VCAN: variants seen among roughly 807,000 people sequenced by gnomAD.
VCAN encodes the protein versican, also known as versican core protein.
A neutral mutation model predicts 245.5 loss-of-function variants in VCAN; 44 were observed. That is an observed-to-expected ratio of 0.18 (90% CI 0.14 to 0.23). VCAN has a LOEUF of 0.23. Ranked by LOEUF, VCAN falls within the 10% of genes least tolerant of loss-of-function variation. VCAN has a pLI of 1.00. For missense variants in VCAN, 3,793 were observed against 4,057.9 expected, an observed-to-expected ratio of 0.93 and a Z score of 1.77; for synonymous variants, 1,413 against 1,437.0, an observed-to-expected ratio of 0.98 and a Z score of 0.38.
intron 7 of VCAN, among the ~76,000 whole-genome samples, chr5:83,524,168 T>G (rs138661862): frequency 1.3e-5 from 2 of 151,966 alleles, no homozygotes; most frequent in Non-Finnish European, 2.9e-5. Flanking sequence ...GAATTGGCAG[T>G]CATCAAAAAA....
chr5:83,483,592 A>G lies in VCAN; in HGVS notation c.70+4A>G, dbSNP rs778443157. 6.2e-7 allele frequency: 1 copy of G among 1,612,568 alleles called. No individual in the cohort carries two copies. The highest frequency in any genetic ancestry group is 8.5e-7 in the Non-Finnish European group (1 of 1,178,790). On this transcript the variant is annotated splice_donor_region_variant and intron_variant, in intron 2 of 14. Coordinates refer to ENST00000265077, the MANE Select transcript of VCAN (RefSeq NM_004385.5). ...GTAACCCATGCGCTACATAAAGGTG[A>G]GTGTGCTAACAATTTCTTTGGTGTT...
chr5:83,526,217 C>A lies in VCAN; in HGVS notation c.4003+3908C>A, dbSNP rs192970077. The stretch of plus-strand genomic sequence containing the variant: ...CCTCCCAAAGTGTTGGGATTACAGG[C>A]ATGAGCCACTGCGCCCAGCCAAGTC... On this transcript the variant is annotated intron_variant, in intron 7 of 14. Coordinates refer to ENST00000265077, the MANE Select transcript of VCAN (RefSeq NM_004385.5). 7.2e-3 allele frequency among the ~76,000 whole-genome samples: 1,096 copies of A among 152,190 alleles called. 17 individuals carry two copies. The highest frequency in any genetic ancestry group is 0.026 in the African/African-American group (1,060 of 41,510).
chr5:83,494,949 C>T (rs1745110852), intron 5 of VCAN, among the ~76,000 whole-genome samples: 1 of 152,094 alleles, frequency 6.6e-6, no homozygotes, highest in Non-Finnish European at 1.5e-5. Flanking sequence ...CACAGCACTC[C>T]AGCCTAGGTG....
Position 83,548,124 on chromosome 5 carries a change from A to ATT in VCAN, c.9493+48_9493+49dup, listed in dbSNP as rs148814066. ...AACATTTGTATGATGAACATTATTG[A>ATT]TTTTTTTTTAGCAATTTTGGCCTCA... is the stretch of plus-strand genomic sequence containing the variant. On this transcript the variant is annotated intron_variant, in intron 10 of 14. Transcript: ENST00000265077. 75 of 1,529,920 alleles carry ATT rather than the reference A, an allele frequency of 4.9e-5. No individual in the cohort carries two copies. The East Asian group carries it at 1.2e-3, about 24-fold the overall frequency. The allele number at this position is 1,529,920 out of a possible 1,614,324, so 94.8% of individuals were successfully genotyped here. A position where few individuals can be genotyped will look rare whatever the true frequency, so the allele number is the denominator to read the frequency against.
chr5:83,483,404 A>C, intron 1 of VCAN, 109 bp from the exon 2 acceptor site: 1 of 852,138 alleles, frequency 1.2e-6, no homozygotes. Flanking sequence ...CTTATTACTT[A>C]ATGCTTAATA....
chr5:83,570,417 A>G (rs1425730323), intron 12 of VCAN, among the ~76,000 whole-genome samples: 2 of 152,292 alleles, frequency 1.3e-5, no homozygotes, highest in South Asian at 4.2e-4. Context: ...AAGCTAAAAG[A>G]CTGAAACAAA....
At position 83,471,822 on chromosome 5, in the gene VCAN, A is replaced by C. The variant is rs1386686773; in HGVS notation, c.-208A>C. Reference sequence around the variant, plus strand: ...GCGTGCGGACGCAACAGCCGAGAACATTAGGTGTTGTGGACAGGAGCTGGG... The same window carrying C: ...GCGTGCGGACGCAACAGCCGAGAACCTTAGGTGTTGTGGACAGGAGCTGGG... On this transcript the variant is annotated 5_prime_UTR_variant, in exon 1 of 15. Transcript: ENST00000265077. 5.0e-6 allele frequency: 2 copies of C among 398,388 alleles called. No individual in the cohort carries two copies. Among genetic ancestry groups the C allele is most frequent in the East Asian group, 7.1e-5 (2 of 28,066 alleles). The allele number at this position is 398,388 out of a possible 1,614,324, so 24.7% of individuals were successfully genotyped here.
chr5:83,471,973 G>A lies in VCAN; in HGVS notation c.-57G>A. On this transcript the variant is annotated 5_prime_UTR_variant, in exon 1 of 15. Coordinates refer to ENST00000265077, the MANE Select transcript of VCAN (RefSeq NM_004385.5). ...CCTGGGCAACGCCGAACCCAGTCGC[G>A]CAGCGCTGCAGTGAATTTTCCCCCC... is the stretch of plus-strand genomic sequence containing the variant. 3 of 387,986 alleles carry A rather than the reference G, an allele frequency of 7.7e-6. No individual in the cohort carries two copies. The highest frequency in any genetic ancestry group is 1.4e-5 in the Non-Finnish European group (3 of 219,900). 24.0% of individuals were successfully genotyped at this position (387,986 alleles called of 1,614,324 possible).
chr5:83,537,310 G>A lies in VCAN; in HGVS notation c.4307G>A (p.Ser1436Asn). Residue 1436 changes from serine to asparagine, a missense_variant, in exon 8 of 15, where the codon AGT becomes AAT. Ser to Asn is a conservative substitution (Grantham distance 46). This residue lies in a region of VCAN where 3,182 missense variants were observed against 3,250.3 expected (regional missense o/e 0.98). Transcript: ENST00000265077. ...GAAGCTAGGCGTGGCCAGTTTGAAA[G>A]TGTTGCACCTTCTCAGAATTTCTCG... ...AAEARRGQFE[S>N]VAPSQNFSDS... 1 of 1,613,996 alleles carries A rather than the reference G, an allele frequency of 6.2e-7. No homozygotes were observed. Among genetic ancestry groups the A allele is most frequent in the Non-Finnish European group, 8.5e-7 (1 of 1,179,958 alleles).
Position 83,580,465 on chromosome 5 carries a change from ATTT to A in VCAN, c.*32_*34del. On this transcript the variant is annotated 3_prime_UTR_variant, in exon 15 of 15. Coordinates refer to ENST00000265077, the MANE Select transcript of VCAN (RefSeq NM_004385.5). ...AAAATGGCGAACATGTGTTTTCATC[ATTT>A]CAGCCAAAGTCCTAACTTCCTGTGC... 1.2e-6 allele frequency: 2 copies of A among 1,612,910 alleles called. No individual in the cohort carries two copies. Among genetic ancestry groups the A allele is most frequent in the Non-Finnish European group, 1.7e-6 (2 of 1,179,450 alleles).
At position 83,519,994 on chromosome 5, in the gene VCAN, C is replaced by A; in HGVS notation, c.1688C>A (p.Thr563Lys). 6.2e-7 allele frequency: 1 copy of A among 1,614,102 alleles called. No individual in the cohort carries two copies. Among genetic ancestry groups the A allele is most frequent in the Non-Finnish European group, 8.5e-7 (1 of 1,179,970 alleles). Residue 563 changes from threonine (T) to lysine (K), a missense_variant, in exon 7 of 15, where the codon ACA (threonine) becomes AAA (lysine). Around this residue, in one of 5 missense-constraint regions of VCAN, gnomAD observed 3,182 missense variants for 3,250.3 expected, o/e 0.98. Transcript: ENST00000265077. ...GEEDDEDRTL[T>K]VGSDESTLIF... ...GAGGATGATGAAGACAGAACACTTA[C>A]AGTTGGATCTGATGAGAGCACCTTG...
At chr5:83,496,412 A>G (rs914241707) in intron 5 of VCAN, among the ~76,000 whole-genome samples, 8 of 152,244 alleles carry the variant, frequency 5.3e-5, no homozygotes, top group Non-Finnish European at 8.8e-5. Flanking sequence ...GCATAACTTT[A>G]CTTAGGCTCT....
At chr5:83,524,215 G>T (rs890024560) in intron 7 of VCAN, among the ~76,000 whole-genome samples, 41 of 151,948 alleles carry the variant, frequency 2.7e-4, no homozygotes, top group Non-Finnish European at 2.9e-5. Flanking sequence ...GGAAGTGGAG[G>T]GTCTGAGTAA....
In VCAN at chr5:83,580,436, C is replaced by T. The variant is rs370984795; in HGVS notation, c.*2C>T. The T allele has an allele frequency of 3.9e-5, 63 of 1,613,566 alleles. No individual in the cohort carries two copies. The highest frequency in any genetic ancestry group is 5.1e-5 in the Non-Finnish European group (60 of 1,179,842). On this transcript the variant is annotated 3_prime_UTR_variant, in exon 15 of 15. Coordinates refer to ENST00000265077, the MANE Select transcript of VCAN (RefSeq NM_004385.5). ...AGGTGGCAGGAGTCGAGGCGCTGAT[C>T]CCTAAAATGGCGAACATGTGTTTTC...
intron 12 of VCAN, among the ~76,000 whole-genome samples, chr5:83,571,369 G>A (rs553091650): frequency 2.0e-5 from 3 of 152,180 alleles, no homozygotes; most frequent in East Asian, 3.9e-4. Context: ...AACCTAAACC[G>A]GAGAGTTCTG....
rs150298911 is a variant in VCAN at position 83,578,260 on chromosome 5, T to C, written c.9881-1720T>C. ...AAAACCAAATACTGCGTATTTTCACTTATAAGTGAGAGCTAAACACTGAGA... is the reference window on the plus strand; with the variant it reads ...AAAACCAAATACTGCGTATTTTCACCTATAAGTGAGAGCTAAACACTGAGA... On this transcript the variant is annotated intron_variant, in intron 13 of 14. Coordinates refer to ENST00000265077, the MANE Select transcript of VCAN (RefSeq NM_004385.5). Among the ~76,000 whole-genome samples the C allele has an allele frequency of 3.6e-4, 55 of 152,156 alleles. No individual in the cohort carries two copies. The East Asian group carries it at 0.01, about 29-fold the overall frequency.
chr5:83,564,496 A>G (rs1435414670), intron 12 of VCAN, among the ~76,000 whole-genome samples: 2 of 152,202 alleles, frequency 1.3e-5, no homozygotes. Context: ...GGATTTTTCA[A>G]ATGCAGCATG....
At position 83,471,771 on chromosome 5, in the gene VCAN, C is replaced by G. The variant is rs886060813; in HGVS notation, c.-259C>G. On this transcript the variant is annotated 5_prime_UTR_variant, in exon 1 of 15. Coordinates refer to ENST00000265077, the MANE Select transcript of VCAN (RefSeq NM_004385.5). ...ATTTGAACTTGCAGGCGAGCTGCCC[C>G]GAGCCTTTCTGGGGAAGAACTCCAG... 1 of 398,816 alleles carries G rather than the reference C, an allele frequency of 2.5e-6. No individual in the cohort carries two copies. The highest frequency in any genetic ancestry group is 2.1e-5 in the African/African-American group (1 of 48,760). The allele number at this position is 398,816 out of a possible 1,614,324, so 24.7% of individuals were successfully genotyped here.
rs1745064748 is a variant in VCAN, at chr5:83,493,889, C to G, written c.706C>G (p.Gln236Glu). ...CAGGACTTATGGATTCCGTTCTCCC[C>G]AGGAAACTTACGATGTGTATTGTTA... ...GVRTYGFRSP[Q>E]ETYDVYCYVD... Residue 236 changes from glutamine to glutamate, a missense_variant, in exon 5 of 15, where the codon CAG becomes GAG. By Grantham distance (29) the Gln-to-Glu change is conservative (BLOSUM62 2). Transcript: ENST00000265077. 1 of 1,613,976 alleles carries G rather than the reference C, an allele frequency of 6.2e-7. No homozygotes were observed. Among genetic ancestry groups the G allele is most frequent in the Non-Finnish European group, 8.5e-7 (1 of 1,180,004 alleles).
Sources: allele counts gnomAD v4.1 joint callset (sites outside exome capture counted in the v4.1 genomes callset), GRCh38; gene constraint gnomAD v4.1.1; regional missense constraint gnomAD v4.1.1; transcripts MANE v1.5; gene names NCBI Gene and HGNC (gene_info 2026-07-23, HGNC 2026-07-21).